ZNF236: variants seen among roughly 807,000 people sequenced by gnomAD.
ZNF236 encodes regulated by glucose.
In ZNF236, 50 loss-of-function variants were observed where a neutral mutation model predicts 191.2. The observed-to-expected ratio is 0.26, with a 90% CI of 0.21 to 0.33. The LOEUF (loss-of-function observed/expected upper bound fraction) is 0.33. ZNF236 is among the 10% of genes least tolerant of loss of function. The pLI is 1.00. For synonymous variants in ZNF236, 907 were observed against 928.8 expected (o/e 0.98, Z 0.43); for missense variants, 1,754 against 2,374.5 (o/e 0.74, Z 5.43).
intron 11 of ZNF236, among the ~76,000 whole-genome samples, chr18:76,904,157 A>G (rs546382375): frequency 6.6e-6 from 1 of 151,432 alleles, no homozygotes; most frequent in Admixed American, 6.6e-5. Context: ...TTAATTTATA[A>G]ATTAATTTGT....
At chr18:76,887,390 A>G (rs1174305160) in intron 9 of ZNF236, 1 of 151,870 alleles carries the variant, frequency 6.6e-6, no homozygotes, top group East Asian at 1.9e-4. Context: ...TAAATAAATA[A>G]ATAAATAAAA....
At chr18:76,831,183 A>T (rs1215167311) in intron 1 of ZNF236, among the ~76,000 whole-genome samples, 1 of 152,220 alleles carries the variant, frequency 6.6e-6, no homozygotes, top group Admixed American at 6.5e-5. Context: ...CATACAGAAT[A>T]GTTTCACTGC....
At chr18:76,921,981 A>G (rs1967549738) in intron 20 of ZNF236, among the ~76,000 whole-genome samples, 1 of 152,160 alleles carries the variant, frequency 6.6e-6, no homozygotes, top group Admixed American at 6.5e-5. Flanking sequence ...AGCACTGTTA[A>G]CAGTTTTTTG....
chr18:76,842,432 C>T (rs1489460044), intron 1 of ZNF236, among the ~76,000 whole-genome samples: 1 of 148,416 alleles, frequency 6.7e-6, no homozygotes, highest in Non-Finnish European at 1.5e-5. Context: ...GCTCCACCCC[C>T]CTCAACTTTT....
chr18:76,928,899 G>T (rs1187924828), intron 25 of ZNF236, among the ~76,000 whole-genome samples: 1 of 151,480 alleles, frequency 6.6e-6, no homozygotes, highest in East Asian at 1.9e-4. Flanking sequence ...AACTTCCACA[G>T]ATATTAACTC....
In ZNF236 at chr18:76,883,362, CTTTT is replaced by C. The variant is rs10581368; in HGVS notation, c.1417+1871_1417+1874del. Among the ~76,000 whole-genome samples, 126 of 93,056 alleles carry C rather than the reference CTTTT, an allele frequency of 1.4e-3. 1 individual carries two copies. The highest frequency in any genetic ancestry group is 0.012 in the Middle Eastern group (2 of 170). The allele number at this position is 93,056 out of a possible 152,430, so 61.0% of individuals were successfully genotyped here. A position where few individuals can be genotyped will look rare whatever the true frequency, so the allele number is the denominator to read the frequency against. ...TCCCTAGTACAAGTTGGAGCCAGTG[CTTTT>C]TTTTTTTTTTTTTTTTTTTTAAGTG... On this transcript the variant is annotated intron_variant, in intron 9 of 30. Transcript: ENST00000320610.
At chr18:76,890,680 G>A (rs956276566) in intron 9 of ZNF236, among the ~76,000 whole-genome samples, 16 of 152,104 alleles carry the variant, frequency 1.1e-4, no homozygotes, top group African/African-American at 3.9e-4. Flanking sequence ...TTTCTTACAA[G>A]GAGTAAGGTT....
intron 12 of ZNF236, 150 bp from the exon 13 acceptor site, chr18:76,905,005 C>G: frequency 1.2e-6 from 1 of 839,980 alleles, no homozygotes; most frequent in Non-Finnish European, 1.8e-6. Context: ...CAGGCTTCCT[C>G]CCTTGTGAAA....
At chr18:76,922,961 G>T in intron 20 of ZNF236, 110 bp from the exon 21 acceptor site, 1 of 778,570 alleles carries the variant, frequency 1.3e-6, no homozygotes, top group Non-Finnish European at 2.1e-6. Flanking sequence ...AGTTTTTCTT[G>T]GCCAAACTTA....
chr18:76,905,431 G>T lies in ZNF236; in HGVS notation c.2297+16G>T, dbSNP rs1977712345. ...AAACCCACAGGTGGGTGTAATTCTG[G>T]TGGTCACTTTTTATCATCTTTATAA... is the stretch of plus-strand genomic sequence containing the variant. On this transcript the variant is annotated intron_variant, in intron 13 of 30. Transcript: ENST00000320610. The T allele has an allele frequency of 6.2e-7, 1 of 1,609,146 alleles. No homozygotes were observed. The highest frequency in any genetic ancestry group is 2.2e-5 in the East Asian group (1 of 44,760).
At chr18:76,932,967 TA>T (rs1967897162) in intron 25 of ZNF236, among the ~76,000 whole-genome samples, 1 of 152,192 alleles carries the variant, frequency 6.6e-6, no homozygotes, top group Non-Finnish European at 1.5e-5. Context: ...GCTGTACCTA[TA>T]AATTCACCTC....
intron 17 of ZNF236, among the ~76,000 whole-genome samples, chr18:76,913,303 C>T (rs1967266790): frequency 1.3e-5 from 2 of 151,996 alleles, no homozygotes; most frequent in Non-Finnish European, 1.5e-5. Context: ...ATTTTGTAAA[C>T]CAAAGGAGTA....
intron 4 of ZNF236, 37 bp from the exon 5 acceptor site, chr18:76,871,664 A>G (rs764437034): frequency 1.2e-6 from 2 of 1,612,626 alleles, no homozygotes; most frequent in African/African-American, 1.3e-5. Flanking sequence ...CAAGGGAGAC[A>G]TCTTACTGTG....
chr18:76,946,618 A>G (rs979215559), intron 26 of ZNF236, among the ~76,000 whole-genome samples: 10 of 152,190 alleles, frequency 6.6e-5, no homozygotes, highest in Non-Finnish European at 1.0e-4. Flanking sequence ...CAGCAGTTCA[A>G]GTTGCATGCT....
chr18:76,907,342 T>C (rs1285254566), intron 13 of ZNF236, among the ~76,000 whole-genome samples: 2 of 152,284 alleles, frequency 1.3e-5, no homozygotes, highest in Admixed American at 6.5e-5. Context: ...GGCGGCTCTT[T>C]TTTGTGTGTG....
chr18:76,963,209 G>A (rs1026783494), intron 30 of ZNF236, among the ~76,000 whole-genome samples: 1 of 152,100 alleles, frequency 6.6e-6, no homozygotes, highest in Non-Finnish European at 1.5e-5. Flanking sequence ...GTTGGCTGTG[G>A]GTTTGTCATA....
Position 76,927,399 on chromosome 18 carries a change from T to C in ZNF236, c.4296T>C (p.Pro1432=), listed in dbSNP as rs773958268. The change falls in exon 24 of 31, where the codon CCT becomes CCC. Residue 1432 remains proline (P), a synonymous_variant. Transcript: ENST00000320610. The surrounding 1 kb of genome is among the most constrained non-coding windows in gnomAD (Gnocchi z 5.4). ...TCCAGACATCGGACAGCACGGTCCC[T>C]GCCAGTGTTGTCATCCAGCCCATCT... The part of the protein sequence containing the change: ...SSLQTSDSTV[P]ASVVIQPISG... 4.3e-6 allele frequency: 7 copies of C among 1,614,076 alleles called. No individual in the cohort carries two copies. Among genetic ancestry groups the C allele is most frequent in the Non-Finnish European group, 5.9e-6 (7 of 1,180,028 alleles).
At chr18:76,828,585 C>T (rs150167112) in intron 1 of ZNF236, among the ~76,000 whole-genome samples, 148 of 152,342 alleles carry the variant, frequency 9.7e-4, no homozygotes, top group African/African-American at 3.2e-3. Context: ...CAGTAACTTT[C>T]TAACAATATC....
In ZNF236 at chr18:76,910,052, T is replaced by C; in HGVS notation, c.2552-16T>C. The stretch of plus-strand genomic sequence containing the variant: ...TCCAAATGTATGCGTCCCCCTTTTT[T>C]ACATCTCATCCTCAGATGGGTTTGT... On this transcript the variant is annotated splice_polypyrimidine_tract_variant and intron_variant, in intron 14 of 30. Coordinates refer to ENST00000320610, the MANE Select transcript of ZNF236 (RefSeq NM_001306089.2). The C allele has an allele frequency of 6.3e-7, 1 of 1,596,786 alleles. No individual in the cohort carries two copies. Among genetic ancestry groups the C allele is most frequent in the Non-Finnish European group, 8.6e-7 (1 of 1,166,690 alleles).
Sources: gnomAD v4.1 joint callset for allele counts (sites outside exome capture counted in the v4.1 genomes callset) on GRCh38, gnomAD v4.1.1 for gene constraint, Gnocchi (gnomAD v3.1) non-coding constraint, MANE v1.5 for transcripts, NCBI Gene and HGNC (gene_info 2026-07-23, HGNC 2026-07-21) for gene names.